Variants in TXNDC16 observed in about 807,000 individuals in gnomAD.
TXNDC16 encodes the protein thioredoxin domain-containing protein 16.
In TXNDC16, 74 loss-of-function variants were observed where a neutral mutation model predicts 85.6. The ratio of observed to expected loss-of-function variants is 0.86; its 90% CI spans 0.72 to 1.05. TXNDC16 has a LOEUF of 1.05. TXNDC16 is among the 50% of genes least tolerant of loss of function. TXNDC16 has a pLI of 0.00. For synonymous variants in TXNDC16, 335 were observed against 326.5 expected (o/e 1.03, Z -0.28); for missense variants, 959 against 947.0 (o/e 1.01, Z -0.17).
chr14:52,475,997 C>A (rs115215002), intron 14 of TXNDC16, among the ~76,000 whole-genome samples: 4 of 152,140 alleles, frequency 2.6e-5, no homozygotes, highest in Non-Finnish European at 4.4e-5. Context: ...TGGTTGACAC[C>A]ACAGGACTCT....
At position 52,487,340 on chromosome 14, in the gene TXNDC16, T is replaced by C. The variant is rs192945082; in HGVS notation, c.1108+1023A>G. On this transcript the variant is annotated intron_variant, in intron 12 of 20. Coordinates refer to ENST00000281741, the MANE Select transcript of TXNDC16 (RefSeq NM_020784.3). ...GAAAGCTCTTACTAAATTTATAATATAGATTTTGATCACAATGCATGGACC... is the reference window on the plus strand; with the variant it reads ...GAAAGCTCTTACTAAATTTATAATACAGATTTTGATCACAATGCATGGACC... 9.2e-5 allele frequency among the ~76,000 whole-genome samples: 14 copies of C among 152,326 alleles called. No individual in the cohort carries two copies. The East Asian group carries it at 1.9e-3, about 21-fold the overall frequency.
chr14:52,525,629 C>T (rs1255857121), intron 6 of TXNDC16, among the ~76,000 whole-genome samples: 4 of 150,672 alleles, frequency 2.7e-5, no homozygotes, highest in Non-Finnish European at 5.9e-5. Flanking sequence ...ACCCAGGAGG[C>T]GGAGGTTGCA....
At chr14:52,491,502 A>G (rs746526304) in intron 9 of TXNDC16, among the ~76,000 whole-genome samples, 4 of 151,876 alleles carry the variant, frequency 2.6e-5, no homozygotes, top group Non-Finnish European at 4.4e-5. Context: ...CTGGCCCCCT[A>G]TAAGTTTAGG....
chr14:52,454,649 C>CAAAAAAA (rs34727206), intron 18 of TXNDC16, among the ~76,000 whole-genome samples: 9 of 60,420 alleles, frequency 1.5e-4, no homozygotes, highest in Non-Finnish European at 2.2e-4. Context: ...ACTAAAAATA[C>CAAAAAAA]AAAAAAAAAA....
chr14:52,542,953 G>C (rs2037864626), intron 3 of TXNDC16, among the ~76,000 whole-genome samples: 4 of 152,070 alleles, frequency 2.6e-5, no homozygotes, highest in Admixed American at 6.6e-5. Context: ...AGTTATATTA[G>C]TTAATTCAGT....
chr14:52,536,461 C>T (rs1056546460), intron 6 of TXNDC16, among the ~76,000 whole-genome samples: 1 of 152,228 alleles, frequency 6.6e-6, no homozygotes, highest in Non-Finnish European at 1.5e-5. Context: ...CTCACTCCTC[C>T]AGTTAGACCT....
intron 18 of TXNDC16, 29 bp downstream of exon 18, chr14:52,455,295 G>GATCATATTATATATTA: frequency 6.2e-7 from 1 of 1,611,006 alleles, no homozygotes; most frequent in Non-Finnish European, 8.5e-7. Context: ...TTTATTTCAA[G>GATCATATTATATATTA]TATCACCCTT....
In TXNDC16 at chr14:52,450,158, G is replaced by A. The variant is rs539674343; in HGVS notation, c.1842+5166C>T. Among the ~76,000 whole-genome samples, 16 of 151,922 alleles carry A rather than the reference G, an allele frequency of 1.1e-4. No individual in the cohort carries two copies. The East Asian group carries it at 1.4e-3, about 13-fold the overall frequency. ...CATCCAGGAAACAAGTTGGTTTTCC[G>A]AAAAGTTAAACAAAATTGACAAACC... On this transcript the variant is annotated intron_variant, in intron 18 of 20. Coordinates refer to ENST00000281741, the MANE Select transcript of TXNDC16 (RefSeq NM_020784.3).
rs546433591 is a variant in TXNDC16, at chr14:52,505,979, T to C, written c.756+5261A>G. ...AATAAACTAGAAAATCTAGAAGAAA[T>C]AGATAAATTCCTCGACACGTAGACT... On this transcript the variant is annotated intron_variant, in intron 9 of 20. Coordinates refer to ENST00000281741, the MANE Select transcript of TXNDC16 (RefSeq NM_020784.3). Among the ~76,000 whole-genome samples the C allele has an allele frequency of 2.4e-4, 36 of 152,060 alleles. 1 individual carries two copies. Among genetic ancestry groups the C allele is most frequent in the African/African-American group, 7.2e-4 (30 of 41,476 alleles).
chr14:52,461,844 G>C (rs1264927230), intron 16 of TXNDC16, among the ~76,000 whole-genome samples: 1 of 152,250 alleles, frequency 6.6e-6, no homozygotes, highest in Non-Finnish European at 1.5e-5. Flanking sequence ...CTTATAGTAA[G>C]ATGTGTGCAA....
chr14:52,477,385 T>C (rs2036042110), intron 14 of TXNDC16, among the ~76,000 whole-genome samples: 1 of 152,094 alleles, frequency 6.6e-6, no homozygotes, highest in Non-Finnish European at 1.5e-5. Context: ...AATTGCAAAA[T>C]GGATAAGAAT....
intron 14 of TXNDC16, among the ~76,000 whole-genome samples, chr14:52,472,983 GACA>G (rs2035943608): frequency 6.6e-6 from 1 of 152,148 alleles, no homozygotes; most frequent in Admixed American, 6.5e-5. Context: ...GATGGCCCCA[GACA>G]ACTGGAAAGA....
intron 16 of TXNDC16, among the ~76,000 whole-genome samples, chr14:52,459,471 C>G (rs1461750362): frequency 6.6e-6 from 1 of 152,146 alleles, no homozygotes; most frequent in African/African-American, 2.4e-5. Context: ...CTGATGGATT[C>G]ACAGCCAAAT....
At chr14:52,510,164 A>C (rs1477156632) in intron 9 of TXNDC16, among the ~76,000 whole-genome samples, 2 of 152,314 alleles carry the variant, frequency 1.3e-5, no homozygotes, top group African/African-American at 4.8e-5. Flanking sequence ...AAACGAACAC[A>C]AATCAGAAGG....
intron 1 of TXNDC16, among the ~76,000 whole-genome samples, chr14:52,549,485 C>T (rs895520500): frequency 3.9e-5 from 6 of 152,180 alleles, no homozygotes; most frequent in South Asian, 2.1e-4. Context: ...CAAGAGAAAA[C>T]GCTAGTCTTC....
At position 52,439,187 on chromosome 14, in the gene TXNDC16, CA is replaced by C; in HGVS notation, c.2194+16del. 6.2e-7 allele frequency: 1 copy of C among 1,610,898 alleles called. No individual in the cohort carries two copies. The highest frequency in any genetic ancestry group is 8.5e-7 in the Non-Finnish European group (1 of 1,178,044). On this transcript the variant is annotated intron_variant, in intron 20 of 20. Transcript: ENST00000281741. ...AAAATGCAGAACTACATGTATTAAA[CA>C]AAACAGAAAACTTACTGATATGATT... is the stretch of plus-strand genomic sequence containing the variant.
At chr14:52,490,472 A>G (rs1237188303) in intron 10 of TXNDC16, 21 bp from the exon 11 acceptor site, 5 of 1,568,104 alleles carry the variant, frequency 3.2e-6, no homozygotes, top group Non-Finnish European at 4.3e-6. Flanking sequence ...ATGGAAATAA[A>G]TGTTTTATGT....
rs780384528 is a variant in TXNDC16, at chr14:52,482,288, C to G, written c.1254G>C (p.Trp418Cys). The change falls in exon 14 of 21, where the codon TGG (tryptophan) becomes TGC (cysteine). Residue 418 changes from tryptophan (W) to cysteine (C), a missense_variant and splice_region_variant. Physicochemically the swap from Trp to Cys is radical, Grantham distance 215. Transcript: ENST00000281741. Reference sequence around the variant, plus strand: ...GCAAAAATGCCATGGATACTGCTTGCCCTATATGAAAATTAAAAATTCAAC... The same window carrying G: ...GCAAAAATGCCATGGATACTGCTTGGCCTATATGAAAATTAAAAATTCAAC... ...SDSIVLFYAG[W>C]QAVSMAFLQS... 1 of 1,610,444 alleles carries G rather than the reference C, an allele frequency of 6.2e-7. No individual in the cohort carries two copies. The highest frequency in any genetic ancestry group is 1.1e-5 in the South Asian group (1 of 90,574).
intron 9 of TXNDC16, among the ~76,000 whole-genome samples, chr14:52,492,405 C>T (rs1485896660): frequency 1.3e-5 from 2 of 152,304 alleles, no homozygotes; most frequent in South Asian, 4.1e-4. Flanking sequence ...CTCACCTCTT[C>T]AGTCTGCTTA....
Sources: allele counts gnomAD v4.1 joint callset (sites outside exome capture counted in the v4.1 genomes callset), GRCh38; gene constraint gnomAD v4.1.1; transcripts MANE v1.5; gene names NCBI Gene and HGNC (gene_info 2026-07-23, HGNC 2026-07-21).